Variants in KCNE2 observed in about 807,000 individuals in gnomAD.
KCNE2 encodes the protein potassium voltage-gated channel subfamily E regulatory subunit 2.
Under a neutral mutation model 4.5 loss-of-function variants are expected in KCNE2, and 4 were observed. That is an observed-to-expected ratio of 0.89 (90% CI 0.44 to 2.03). The LOEUF is 2.03. KCNE2 is among the 30% of genes most tolerant of loss of function. The pLI, the probability that KCNE2 is intolerant of heterozygous loss-of-function variation, is 0.03. For missense variants in KCNE2, 137 were observed against 151.4 expected (o/e 0.90, Z 0.50); for synonymous variants, 57 against 55.9 (o/e 1.02, Z -0.09).
intron 1 of KCNE2, among the ~76,000 whole-genome samples, chr21:34,366,822 A>G (rs1400185249): frequency 1.3e-5 from 2 of 151,728 alleles, no homozygotes; most frequent in East Asian, 3.9e-4. Context: ...TACTAAAAAT[A>G]CAAAAAATTA....
chr21:34,368,328 C>T (rs1004117834), intron 1 of KCNE2, among the ~76,000 whole-genome samples: 5 of 147,886 alleles, frequency 3.4e-5, no homozygotes, highest in Admixed American at 6.8e-5. Flanking sequence ...TGGCCGGGAG[C>T]GGTGGCTCAC....
intron 1 of KCNE2, among the ~76,000 whole-genome samples, chr21:34,369,066 A>T (rs921531370): frequency 1.3e-5 from 2 of 152,134 alleles, no homozygotes; most frequent in Non-Finnish European, 2.9e-5. Flanking sequence ...CCGAGGAAAG[A>T]GAGCTTACTG....
At chr21:34,368,256 ATATATGTATGTTATATATATG>A (rs1378028191) in intron 1 of KCNE2, among the ~76,000 whole-genome samples, 3 of 95,874 alleles carry the variant, frequency 3.1e-5, no homozygotes, top group South Asian at 4.0e-4. Context: ...ATATATATAT[ATATATGTATGTTATATATATG>A]TATGTTATAT....
At chr21:34,366,330 T>C (rs1465988010) in intron 1 of KCNE2, among the ~76,000 whole-genome samples, 1 of 152,196 alleles carries the variant, frequency 6.6e-6, no homozygotes, top group African/African-American at 2.4e-5. Flanking sequence ...CACATCATTT[T>C]ATTTTACTTT....
Position 34,365,203 on chromosome 21 carries a change from A to G in KCNE2, c.-13+1052A>G, listed in dbSNP as rs562883377. Among the ~76,000 whole-genome samples the G allele has an allele frequency of 5.5e-4, 84 of 152,288 alleles. 1 individual carries two copies. Among genetic ancestry groups the G allele is most frequent in the African/African-American group, 1.9e-3 (79 of 41,558 alleles). ...GAGCAAACCAGCCTAAATGATCTCC[A>G]GGGGCCCAGCCTGTGCTAGGACTCA... On this transcript the variant is annotated intron_variant, in intron 1 of 1. Coordinates refer to ENST00000290310, the MANE Select transcript of KCNE2 (RefSeq NM_172201.2).
intron 1 of KCNE2, among the ~76,000 whole-genome samples, chr21:34,367,545 T>A (rs1316500192): frequency 3.3e-5 from 5 of 152,152 alleles, no homozygotes; most frequent in Non-Finnish European, 7.4e-5. Flanking sequence ...GACAAAGATC[T>A]TAGAGCTCTC....
intron 1 of KCNE2, among the ~76,000 whole-genome samples, chr21:34,366,974 CAAAAAAAAAAAAA>C (rs747133749): frequency 1.3e-4 from 2 of 14,824 alleles, no homozygotes; most frequent in African/African-American, 4.5e-4. Flanking sequence ...GACTCCATCT[CAAAAAAAAAAAAA>C]AAAAAAAAAA....
intron 1 of KCNE2, among the ~76,000 whole-genome samples, chr21:34,368,229 A>AAAATATATATATATAT (rs1979405998): frequency 1.2e-5 from 1 of 84,806 alleles, no homozygotes; most frequent in Non-Finnish European, 2.0e-5. Context: ...ACACACACAC[A>AAAATATATATATATAT]ATATATATAT....
rs956959818 is a variant in KCNE2 at position 34,371,265 on chromosome 21, T to C, written c.*415T>C. 4.1e-6 allele frequency: 1 copy of C among 244,584 alleles called. No individual in the cohort carries two copies. The highest frequency in any genetic ancestry group is 2.3e-5 in the African/African-American group (1 of 43,668). The allele number at this position is 244,584 out of a possible 1,614,324, so 15.2% of individuals were successfully genotyped here. On this transcript the variant is annotated 3_prime_UTR_variant, in exon 2 of 2. Coordinates refer to ENST00000290310, the MANE Select transcript of KCNE2 (RefSeq NM_172201.2). ...ATTTATAAATAACCCAGATGTATTA[T>C]GTAGAAGCTGAGGCTCAAAAGCTAT...
Position 34,371,105 on chromosome 21 carries a change from A to G in KCNE2, c.*255A>G. ...TTCCGGGCAAGTGAATGTCATTTTA[A>G]TCAATATCAATGATGAAAATAAAGC... On this transcript the variant is annotated 3_prime_UTR_variant, in exon 2 of 2. Transcript: ENST00000290310. The G allele has an allele frequency of 1.9e-6, 1 of 539,876 alleles. No individual in the cohort carries two copies. Among genetic ancestry groups the G allele is most frequent in the African/African-American group, 1.9e-5 (1 of 52,692 alleles). The allele number at this position is 539,876 out of a possible 1,614,324, so 33.4% of individuals were successfully genotyped here.
intron 1 of KCNE2, among the ~76,000 whole-genome samples, chr21:34,368,586 C>A (rs931411463): frequency 6.6e-6 from 1 of 151,928 alleles, no homozygotes; most frequent in Non-Finnish European, 1.5e-5. Flanking sequence ...GGTGACAGAG[C>A]GAGACTCCGT....
intron 1 of KCNE2, among the ~76,000 whole-genome samples, chr21:34,369,514 C>T (rs1191648811): frequency 1.3e-5 from 2 of 152,032 alleles, no homozygotes; most frequent in Non-Finnish European, 2.9e-5. Flanking sequence ...CGTGCCACCC[C>T]ACTCCAGCCT....
chr21:34,371,173 A>G lies in KCNE2; in HGVS notation c.*323A>G, dbSNP rs997499338. 15 of 363,554 alleles carry G rather than the reference A, an allele frequency of 4.1e-5. No individual in the cohort carries two copies. The highest frequency in any genetic ancestry group is 2.6e-4 in the South Asian group (8 of 30,656). 22.5% of individuals were successfully genotyped at this position (363,554 alleles called of 1,614,324 possible). A position where few individuals can be genotyped will look rare whatever the true frequency, so the allele number is the denominator to read the frequency against. ...GTCTGGGCAGTGGCTGTGGGGATAG[A>G]AAGGAGAGATTTACAAATCATTGAA... is the stretch of plus-strand genomic sequence containing the variant. On this transcript the variant is annotated 3_prime_UTR_variant, in exon 2 of 2. Coordinates refer to ENST00000290310, the MANE Select transcript of KCNE2 (RefSeq NM_172201.2).
At chr21:34,366,258 C>T (rs954443640) in intron 1 of KCNE2, among the ~76,000 whole-genome samples, 8 of 152,080 alleles carry the variant, frequency 5.3e-5, no homozygotes, top group African/African-American at 1.9e-4. Flanking sequence ...CCAGGAGTCC[C>T]CTGAAATTGA....
At chr21:34,366,044 C>T (rs1040552618) in intron 1 of KCNE2, among the ~76,000 whole-genome samples, 6 of 152,134 alleles carry the variant, frequency 3.9e-5, no homozygotes, top group African/African-American at 9.7e-5. Context: ...ACCTCCTGAC[C>T]GGCTTAGCAG....
At chr21:34,367,175 A>G (rs1234635043) in intron 1 of KCNE2, among the ~76,000 whole-genome samples, 2 of 150,424 alleles carry the variant, frequency 1.3e-5, no homozygotes, top group Non-Finnish European at 3.0e-5. Context: ...AAAAAAAAAA[A>G]AAAAGTCTGG....
At chr21:34,369,854 G>T (rs12483695) in intron 1 of KCNE2, among the ~76,000 whole-genome samples, 3,619 of 152,324 alleles carry the variant, frequency 0.024, 74 homozygotes, top group Middle Eastern at 0.051. Flanking sequence ...CATAGGGGAT[G>T]GAACAAATTG....
chr21:34,368,229 A>ACACTATAT (rs781775671), intron 1 of KCNE2, among the ~76,000 whole-genome samples: 1 of 84,810 alleles, frequency 1.2e-5, no homozygotes, highest in Admixed American at 1.4e-4. Flanking sequence ...ACACACACAC[A>ACACTATAT]ATATATATAT....
intron 1 of KCNE2, among the ~76,000 whole-genome samples, chr21:34,367,874 T>C (rs1471337469): frequency 6.6e-6 from 1 of 152,104 alleles, no homozygotes; most frequent in Non-Finnish European, 1.5e-5. Context: ...CTGTGCTCCT[T>C]CTAGCTGTGT....
Sources: allele counts gnomAD v4.1 joint callset (sites outside exome capture counted in the v4.1 genomes callset), GRCh38; gene constraint gnomAD v4.1.1; transcripts MANE v1.5; gene names NCBI Gene and HGNC (gene_info 2026-07-23, HGNC 2026-07-21).